The following CNTNAP2 variants were observed in gnomAD, a reference collection of about 807,000 sequenced individuals.
CNTNAP2 encodes the protein contactin associated protein 2.
CNTNAP2 carries 98 observed loss-of-function variants against 155.2 expected under a neutral mutation model. That is an observed-to-expected ratio of 0.63 (90% CI 0.54 to 0.75). The LOEUF is 0.75. Ranked by LOEUF, CNTNAP2 falls within the 30% of genes least tolerant of loss-of-function variation. The probability of loss-of-function intolerance (pLI) is 0.00; values close to 1 mark genes in which losing one functional copy is unlikely to be tolerated. For missense variants in CNTNAP2, 1,727 were observed against 1,688.1 expected (o/e 1.02, Z -0.40); for synonymous variants, 651 against 631.2 (o/e 1.03, Z -0.47).
chr7:147,906,194 CAT>C (rs1799954743), intron 14 of CNTNAP2, among the ~76,000 whole-genome samples: 1 of 151,204 alleles, frequency 6.6e-6, no homozygotes, highest in African/African-American at 2.4e-5. Context: ...AGGTTGAAAA[CAT>C]AGATTTTTTT....
intron 13 of CNTNAP2, among the ~76,000 whole-genome samples, chr7:147,749,562 C>T (rs1026106315): frequency 1.3e-5 from 2 of 152,108 alleles, no homozygotes; most frequent in Non-Finnish European, 2.9e-5. Context: ...ATATGTGGAA[C>T]GATCCTTACT....
chr7:146,363,464 G>T (rs925627288), intron 1 of CNTNAP2, among the ~76,000 whole-genome samples: 1 of 152,198 alleles, frequency 6.6e-6, no homozygotes, highest in Non-Finnish European at 1.5e-5. Context: ...GAACACCCAG[G>T]ACTGAGCTCT....
intron 15 of CNTNAP2, among the ~76,000 whole-genome samples, chr7:147,993,071 T>C (rs1585066888): frequency 6.6e-6 from 1 of 152,302 alleles, no homozygotes; most frequent in East Asian, 1.9e-4. Flanking sequence ...TTGACATAGC[T>C]GAGATGATAA....
intron 18 of CNTNAP2, among the ~76,000 whole-genome samples, chr7:148,210,995 A>G (rs2116745927): frequency 6.6e-6 from 1 of 152,366 alleles, no homozygotes; most frequent in East Asian, 1.9e-4. Context: ...TGTGCCATGC[A>G]GATTGCCTGG....
Position 147,676,107 on chromosome 7 carries a change from A to G in CNTNAP2, c.2098+36801A>G, listed in dbSNP as rs563965807. 2.2e-5 allele frequency among the ~76,000 whole-genome samples: 3 copies of G among 135,420 alleles called. No homozygotes were observed. The South Asian group carries it at 6.4e-4, about 29-fold the overall frequency. The allele number at this position is 135,420 out of a possible 152,430, so 88.8% of individuals were successfully genotyped here. On this transcript the variant is annotated intron_variant, in intron 13 of 23. Transcript: ENST00000361727. ...TAATTCCATTGACTTCAATTTCTAT[A>G]GAGTTCTTCTTTCCTTTTATGCAGC... is the stretch of plus-strand genomic sequence containing the variant.
At chr7:146,438,857 A>C (rs542845490) in intron 1 of CNTNAP2, among the ~76,000 whole-genome samples, 1 of 151,616 alleles carries the variant, frequency 6.6e-6, no homozygotes, top group East Asian at 1.9e-4. Context: ...TCATTTTGCT[A>C]TCTAGTTCTT....
At position 147,476,272 on chromosome 7, in the gene CNTNAP2, C is replaced by CT. The variant is rs1296163143; in HGVS notation, c.1671-9657dup. On this transcript the variant is annotated intron_variant, in intron 10 of 23. Coordinates refer to ENST00000361727, the MANE Select transcript of CNTNAP2 (RefSeq NM_014141.6). ...AGGCGCCCGCCACCATGCCCAGCTACTTTTTTGTATTTTTAGTAGAGATGG... is the reference window on the plus strand; with the variant it reads ...AGGCGCCCGCCACCATGCCCAGCTACTTTTTTTGTATTTTTAGTAGAGATGG... Among the ~76,000 whole-genome samples the CT allele has an allele frequency of 4.0e-5, 6 of 151,616 alleles. No individual in the cohort carries two copies. In the East Asian group the frequency reaches 1.2e-3, roughly 30 times the overall value.
intron 1 of CNTNAP2, among the ~76,000 whole-genome samples, chr7:146,482,979 A>T (rs1208339095): frequency 1.3e-5 from 2 of 151,670 alleles, no homozygotes; most frequent in African/African-American, 2.4e-5. Context: ...TGGAAATTTT[A>T]AAAAAATATT....
At chr7:146,318,384 A>T (rs551430952) in intron 1 of CNTNAP2, among the ~76,000 whole-genome samples, 74 of 152,244 alleles carry the variant, frequency 4.9e-4, no homozygotes, top group Non-Finnish European at 9.1e-4. Flanking sequence ...ATACCGATAA[A>T]CATGCCATGT....
At chr7:147,194,871 G>C (rs1802752856) in intron 8 of CNTNAP2, among the ~76,000 whole-genome samples, 1 of 152,108 alleles carries the variant, frequency 6.6e-6, no homozygotes, top group African/African-American at 2.4e-5. Flanking sequence ...TCTGTAGGTT[G>C]CCTGTTCACT....
At chr7:147,833,675 A>G (rs146250091) in intron 13 of CNTNAP2, among the ~76,000 whole-genome samples, 41 of 152,314 alleles carry the variant, frequency 2.7e-4, no homozygotes, top group Non-Finnish European at 5.1e-4. Context: ...AAAACCCTTT[A>G]GGTTCCAAAC....
At chr7:147,283,011 C>T (rs902595454) in intron 8 of CNTNAP2, among the ~76,000 whole-genome samples, 5 of 151,888 alleles carry the variant, frequency 3.3e-5, no homozygotes, top group African/African-American at 9.7e-5. Flanking sequence ...GTCTACTATG[C>T]CATAGTCCAC....
At chr7:146,708,588 A>T (rs866404661) in intron 1 of CNTNAP2, among the ~76,000 whole-genome samples, 69 of 63,948 alleles carry the variant, frequency 1.1e-3, no homozygotes, top group African/African-American at 1.6e-3. Flanking sequence ...AAAAAAAGTG[A>T]TTTTTTTTTT....
intron 13 of CNTNAP2, among the ~76,000 whole-genome samples, chr7:147,832,565 T>A (rs1239684689): frequency 1.4e-5 from 2 of 146,188 alleles, no homozygotes; most frequent in East Asian, 2.0e-4. Context: ...TTGAAATATA[T>A]TATATTGAAA....
intron 15 of CNTNAP2, among the ~76,000 whole-genome samples, chr7:148,014,488 T>C (rs150725610): frequency 7.8e-4 from 119 of 152,254 alleles, no homozygotes; most frequent in African/African-American, 2.6e-3. Context: ...TAAACACCAT[T>C]TACCATAACT....
At chr7:146,728,476 A>C (rs1181306448) in intron 1 of CNTNAP2, among the ~76,000 whole-genome samples, 2 of 152,146 alleles carry the variant, frequency 1.3e-5, no homozygotes, top group African/African-American at 4.8e-5. Flanking sequence ...ATCTTCCAGA[A>C]GTTACTGAAG....
intron 13 of CNTNAP2, among the ~76,000 whole-genome samples, chr7:147,705,266 C>A (rs976331098): frequency 6.6e-6 from 1 of 151,966 alleles, no homozygotes; most frequent in African/African-American, 2.4e-5. Context: ...GCATTTGTTT[C>A]AAGATATTTC....
chr7:146,951,419 T>C (rs1171229676), intron 3 of CNTNAP2, among the ~76,000 whole-genome samples: 3 of 152,216 alleles, frequency 2.0e-5, no homozygotes, highest in Admixed American at 2.0e-4. Context: ...AGGGTTTTTA[T>C]GGTTTTAGGT....
At chr7:146,626,859 C>T (rs879507061) in intron 1 of CNTNAP2, among the ~76,000 whole-genome samples, 3 of 152,054 alleles carry the variant, frequency 2.0e-5, no homozygotes, top group Admixed American at 6.6e-5. Context: ...TAGTTATAAC[C>T]TCATAGCTTT....
Sources: allele counts gnomAD v4.1 joint callset (sites outside exome capture counted in the v4.1 genomes callset), GRCh38; gene constraint gnomAD v4.1.1; transcripts MANE v1.5; gene names NCBI Gene and HGNC (gene_info 2026-07-23, HGNC 2026-07-21).